Variants in PAX3 observed in about 807,000 individuals in gnomAD.
The protein encoded by PAX3 is paired box 3.
Under a neutral mutation model 51.6 loss-of-function variants are expected in PAX3, and 14 were observed. The observed-to-expected ratio is 0.27, with a 90% confidence interval of 0.18 to 0.42. PAX3 has a LOEUF of 0.42. Among genes scored for constraint, PAX3 ranks in the 10% least tolerant of loss-of-function variants. The pLI is 1.00. For synonymous variants in PAX3, 280 were observed against 253.4 expected (o/e 1.11, Z -1.00); for missense variants, 540 against 642.8 (o/e 0.84, Z 1.73).
At chr2:222,226,786 T>G (rs778306782) in intron 5 of PAX3, among the ~76,000 whole-genome samples, 6 of 151,216 alleles carry the variant, frequency 4.0e-5, no homozygotes, top group Non-Finnish European at 7.4e-5. Flanking sequence ...TGTTATTTTT[T>G]GGGAATCCTA....
chr2:222,253,707 G>C (rs1250032791), intron 4 of PAX3, among the ~76,000 whole-genome samples: 1 of 151,556 alleles, frequency 6.6e-6, no homozygotes, highest in Non-Finnish European at 1.5e-5. Context: ...CTGGAGTGCA[G>C]TGTCATGATC....
chr2:222,249,712 G>A (rs550114324), intron 4 of PAX3, among the ~76,000 whole-genome samples: 9 of 152,206 alleles, frequency 5.9e-5, no homozygotes, highest in Admixed American at 1.3e-4. Context: ...CCGGGGTCCC[G>A]CAGTTCTCTC....
At chr2:222,221,131 C>T in intron 6 of PAX3, 91 bp downstream of exon 6, 1 of 1,176,462 alleles carries the variant, frequency 8.5e-7, no homozygotes, top group South Asian at 1.2e-5. Context: ...AACATGGTGT[C>T]AGTACTGCAG....
chr2:222,273,462 G>T (rs951344676), intron 4 of PAX3, among the ~76,000 whole-genome samples: 22 of 152,194 alleles, frequency 1.4e-4, no homozygotes, highest in African/African-American at 5.3e-4. Flanking sequence ...AAGGTAGACA[G>T]GATGGGCAGT....
intron 4 of PAX3, among the ~76,000 whole-genome samples, chr2:222,243,698 T>C (rs988168641): frequency 6.6e-6 from 1 of 152,234 alleles, no homozygotes; most frequent in African/African-American, 2.4e-5. Context: ...CCATATGGCA[T>C]TTCAAGATTG....
rs1240544522 is a variant in PAX3, at chr2:222,298,830, G to T, written c.-215C>A. ...GAAAGGGGAGGACGGGGAGGCCCCG[G>T]AGTCCAGGATCCCGAGCCCAGGGCG... On this transcript the variant is annotated 5_prime_UTR_variant, in exon 1 of 9. Transcript: ENST00000392070. 1.6e-6 allele frequency: 1 copy of T among 607,760 alleles called. No homozygotes were observed. Among genetic ancestry groups the T allele is most frequent in the African/African-American group, 1.8e-5 (1 of 54,224 alleles). 37.6% of individuals were successfully genotyped at this position (607,760 alleles called of 1,614,324 possible).
chr2:222,254,007 T>C (rs960083305), intron 4 of PAX3, among the ~76,000 whole-genome samples: 1 of 152,200 alleles, frequency 6.6e-6, no homozygotes, highest in Admixed American at 6.5e-5. Flanking sequence ...ATTCACCAAA[T>C]ACTTACGCAG....
At chr2:222,249,149 A>T (rs1693332617) in intron 4 of PAX3, among the ~76,000 whole-genome samples, 2 of 152,246 alleles carry the variant, frequency 1.3e-5, no homozygotes, top group South Asian at 4.1e-4. Context: ...TTATTACAGT[A>T]GATAATAAAG....
chr2:222,250,525 T>G (rs1315931808), intron 4 of PAX3, among the ~76,000 whole-genome samples: 1 of 152,258 alleles, frequency 6.6e-6, no homozygotes, highest in South Asian at 2.1e-4. Context: ...AAAGGTATTA[T>G]GAAAAAGGGA....
intron 4 of PAX3, among the ~76,000 whole-genome samples, chr2:222,240,936 C>G (rs564424423): frequency 1.3e-5 from 2 of 152,252 alleles, no homozygotes; most frequent in African/African-American, 4.8e-5. Context: ...GGAAAGTACA[C>G]AAGAAAATGT....
chr2:222,204,292 C>G lies in PAX3; in HGVS notation c.1174-2102G>C, dbSNP rs1409727995. On this transcript the variant is annotated intron_variant, in intron 7 of 8. Transcript: ENST00000392070. ...TGTTTATAGCAATTTCTTCATTTCA[C>G]TACTTAAAAGAACTTGAACATAACT... Among the ~76,000 whole-genome samples, 4 of 152,128 alleles carry G rather than the reference C, an allele frequency of 2.6e-5. No homozygotes were observed. The East Asian group carries it at 7.7e-4, about 29-fold the overall frequency.
chr2:222,202,122 A>T lies in PAX3; in HGVS notation c.1242T>A (p.Pro414=). The T allele has an allele frequency of 6.2e-7, 1 of 1,613,516 alleles. No individual in the cohort carries two copies. The highest frequency in any genetic ancestry group is 8.5e-7 in the Non-Finnish European group (1 of 1,179,772). ...HQPQTDYALS[P]LTGGLEPTTT... ...TGGTAGGTTCCAGACCCCCGGTGAG[A>T]GGGGAGAGCGCGTAATCAGTCTGGG... is the stretch of plus-strand genomic sequence containing the variant. Residue 414 remains proline, a synonymous_variant, in exon 8 of 9, where the codon CCT becomes CCA. Coordinates refer to ENST00000392070, the MANE Select transcript of PAX3 (RefSeq NM_181458.4).
At chr2:222,234,124 AC>A (rs1303465327) in intron 4 of PAX3, among the ~76,000 whole-genome samples, 10 of 152,304 alleles carry the variant, frequency 6.6e-5, no homozygotes, top group African/African-American at 2.4e-4. Flanking sequence ...CTACTTCCAT[AC>A]TTTATTCACA....
In PAX3 at chr2:222,294,258, A is replaced by G; in HGVS notation, c.495T>C (p.Gly165=). ...TCTCCAAGTCGGCCTCCTCCTCTTCACCTTTCCCGAATTTACTTCTCAGGA... is the reference window on the plus strand; with the variant it reads ...TCTCCAAGTCGGCCTCCTCCTCTTCGCCTTTCCCGAATTTACTTCTCAGGA... ...SRILRSKFGK[G]EEEEADLERK... is the part of the protein sequence containing the mutation. The change falls in exon 4 of 9, where the codon GGT becomes GGC. Residue 165 remains glycine (G), a synonymous_variant. Coordinates refer to ENST00000392070, the MANE Select transcript of PAX3 (RefSeq NM_181458.4). 1 of 1,613,672 alleles carries G rather than the reference A, an allele frequency of 6.2e-7. No homozygotes were observed. The highest frequency in any genetic ancestry group is 8.5e-7 in the Non-Finnish European group (1 of 1,179,926).
At chr2:222,296,951 C>A (rs1367509078) in intron 2 of PAX3, 27 bp downstream of exon 2, 4 of 1,579,472 alleles carry the variant, frequency 2.5e-6, no homozygotes, top group Non-Finnish European at 2.6e-6. Context: ...AGTCTGGGAG[C>A]CAGGAGGGCA....
rs544410368 is a variant in PAX3, at chr2:222,245,591, T to C, written c.587-13308A>G. 7.3e-5 allele frequency among the ~76,000 whole-genome samples: 11 copies of C among 151,386 alleles called. No homozygotes were observed. In the South Asian group the frequency reaches 1.0e-3, roughly 14 times the overall value. ...ACAATCTTGCAGAACTGGAGGGAAATGAATAAGGAAGTGATATGTGGGAGA... is the reference window on the plus strand; with the variant it reads ...ACAATCTTGCAGAACTGGAGGGAAACGAATAAGGAAGTGATATGTGGGAGA... On this transcript the variant is annotated intron_variant, in intron 4 of 8. Transcript: ENST00000392070.
chr2:222,239,822 C>CAAAA (rs76222306), intron 4 of PAX3, among the ~76,000 whole-genome samples: 1 of 133,776 alleles, frequency 7.5e-6, no homozygotes, highest in African/African-American at 2.6e-5. Context: ...TTAGCAAGTG[C>CAAAA]AAAAAAAAAA....
chr2:222,278,906 A>G (rs1694528551), intron 4 of PAX3, among the ~76,000 whole-genome samples: 1 of 152,206 alleles, frequency 6.6e-6, no homozygotes, highest in Non-Finnish European at 1.5e-5. Context: ...TTAACCAGTT[A>G]AAGGCTTAAC....
chr2:222,214,797 A>G (rs1312852899), intron 7 of PAX3: 1 of 152,138 alleles, frequency 6.6e-6, no homozygotes, highest in Non-Finnish European at 1.5e-5. Context: ...ATTCAATTAC[A>G]TCTTACCCAA....
Sources: gnomAD v4.1 joint callset for allele counts (sites outside exome capture counted in the v4.1 genomes callset) on GRCh38, gnomAD v4.1.1 for gene constraint, MANE v1.5 for transcripts, NCBI Gene and HGNC (gene_info 2026-07-23, HGNC 2026-07-21) for gene names.